The following CHODL variants were observed in gnomAD, a reference collection of about 807,000 sequenced individuals.
CHODL encodes the protein transmembrane protein MT75.
CHODL carries 29 observed loss-of-function variants against 34.5 expected under a neutral mutation model. That is an observed-to-expected ratio of 0.84 (90% confidence interval 0.63 to 1.15). The LOEUF (loss-of-function observed/expected upper bound fraction) is 1.15, where lower values mean the gene tolerates loss of function less well. Among genes scored for constraint, CHODL ranks in the 50% most tolerant of loss-of-function variants. The pLI is 0.00. For missense variants in CHODL, 332 were observed against 332.5 expected (o/e 1.00, Z 0.01); for synonymous variants, 125 against 116.1 (o/e 1.08, Z -0.49).
intron 2 of CHODL, among the ~76,000 whole-genome samples, chr21:18,147,330 G>A (rs2072904917): frequency 6.6e-6 from 1 of 152,192 alleles, no homozygotes; most frequent in African/African-American, 2.4e-5. Context: ...TACCACATTC[G>A]AAGTAGCACC....
chr21:18,170,884 TTTGAG>T (rs1434843621), intron 2 of CHODL, among the ~76,000 whole-genome samples: 1 of 152,076 alleles, frequency 6.6e-6, no homozygotes, highest in Admixed American at 6.5e-5. Context: ...TTCATTTGGA[TTTGAG>T]TTATTGTTTA....
intron 2 of CHODL, among the ~76,000 whole-genome samples, chr21:18,068,397 CT>C (rs897223640): frequency 6.6e-5 from 10 of 152,012 alleles, no homozygotes; most frequent in Non-Finnish European, 1.5e-4. Context: ...GGGTTTCACC[CT>C]GTTGGCCAGG....
At chr21:18,212,120 G>A (rs2073780665) in intron 2 of CHODL, among the ~76,000 whole-genome samples, 1 of 151,974 alleles carries the variant, frequency 6.6e-6, no homozygotes, top group African/African-American at 2.4e-5. Context: ...TTTTGCTATG[G>A]TTATAACTGT....
chr21:18,043,386 T>C (rs534579950), intron 2 of CHODL, among the ~76,000 whole-genome samples: 1 of 152,118 alleles, frequency 6.6e-6, no homozygotes, highest in East Asian at 1.9e-4. Flanking sequence ...AGAGGATATA[T>C]ATGCAGTATG....
intron 1 of CHODL, among the ~76,000 whole-genome samples, chr21:18,253,519 C>A (rs2074282212): frequency 6.6e-6 from 1 of 152,048 alleles, no homozygotes; most frequent in Admixed American, 6.6e-5. Context: ...AAAATGGAAA[C>A]CGCATGCTTC....
Position 18,124,986 on chromosome 21 carries a change from A to C in CHODL, c.-45+97015A>C, listed in dbSNP as rs888309611. Among the ~76,000 whole-genome samples, 13 of 152,226 alleles carry C rather than the reference A, an allele frequency of 8.5e-5. 1 individual carries two copies. The highest frequency in any genetic ancestry group is 1.6e-4 in the Non-Finnish European group (11 of 68,036). On this transcript the variant is annotated intron_variant, in intron 2 of 6. Transcript: ENST00000400127. ...GGAGTCTACCAATCTGTCTAAATCC[A>C]GGTCTAGGATCTCAAAAAAACTTCC...
At chr21:18,136,063 C>A (rs568832682) in intron 2 of CHODL, among the ~76,000 whole-genome samples, 5 of 144,002 alleles carry the variant, frequency 3.5e-5, no homozygotes, top group African/African-American at 1.3e-4. Context: ...GCTGAGCTTG[C>A]GCCACTGAAC....
intron 1 of CHODL, among the ~76,000 whole-genome samples, chr21:18,008,321 TG>T: frequency 6.6e-6 from 1 of 152,080 alleles, no homozygotes; most frequent in Non-Finnish European, 1.5e-5. Flanking sequence ...TTTGTGTGTG[TG>T]TGTGTGTGTG....
chr21:18,193,297 T>A (rs1419229798), intron 2 of CHODL, among the ~76,000 whole-genome samples: 1 of 152,168 alleles, frequency 6.6e-6, no homozygotes, highest in Non-Finnish European at 1.5e-5. Flanking sequence ...ATCCACAATG[T>A]TTTTTAAGGG....
chr21:18,253,069 A>G (rs903596488), intron 1 of CHODL, among the ~76,000 whole-genome samples: 3 of 152,140 alleles, frequency 2.0e-5, no homozygotes, highest in African/African-American at 7.2e-5. Context: ...AGAAATTTCC[A>G]CATGAAACCT....
intron 2 of CHODL, among the ~76,000 whole-genome samples, chr21:18,189,283 T>C (rs1208629069): frequency 6.6e-6 from 1 of 152,226 alleles, no homozygotes; most frequent in East Asian, 1.9e-4. Flanking sequence ...TCAATTTATA[T>C]TTTAGCTTCT....
At chr21:18,212,735 A>C (rs2073786725) in intron 2 of CHODL, among the ~76,000 whole-genome samples, 1 of 152,142 alleles carries the variant, frequency 6.6e-6, no homozygotes, top group Non-Finnish European at 1.5e-5. Context: ...ACTTGAATTG[A>C]GAATTTCTAA....
At chr21:18,039,243 T>A (rs2064346840) in intron 2 of CHODL, among the ~76,000 whole-genome samples, 1 of 151,796 alleles carries the variant, frequency 6.6e-6, no homozygotes, top group Non-Finnish European at 1.5e-5. Context: ...CTCTTAGATA[T>A]TCATTAAGTT....
At chr21:17,982,684 C>CTTATA (rs1568829222) in intron 1 of CHODL, among the ~76,000 whole-genome samples, 1 of 147,990 alleles carries the variant, frequency 6.8e-6, no homozygotes, top group African/African-American at 2.5e-5. Context: ...TAAAAATCCC[C>CTTATA]TTATATATAT....
chr21:18,043,670 C>G (rs577294437), intron 2 of CHODL, among the ~76,000 whole-genome samples: 6 of 151,886 alleles, frequency 4.0e-5, no homozygotes, highest in Non-Finnish European at 7.4e-5. Flanking sequence ...TATTAGTTAC[C>G]CACCTAGGCT....
At chr21:17,978,344 C>G (rs1013145415) in intron 1 of CHODL, among the ~76,000 whole-genome samples, 18 of 150,902 alleles carry the variant, frequency 1.2e-4, no homozygotes, top group African/African-American at 3.9e-4. Flanking sequence ...ATGGTGTGAA[C>G]CTGGCAGGCG....
At chr21:17,970,172 GA>G (rs368190106) in intron 1 of CHODL, among the ~76,000 whole-genome samples, 1,812 of 152,240 alleles carry the variant, frequency 0.012, 28 homozygotes, top group African/African-American at 0.04. Flanking sequence ...TGGACTTCCT[GA>G]AGAATATAGT....
chr21:18,123,040 A>C (rs2065498953), intron 2 of CHODL, among the ~76,000 whole-genome samples: 1 of 152,232 alleles, frequency 6.6e-6, no homozygotes, highest in African/African-American at 2.4e-5. Context: ...TTAACATCAA[A>C]ACGTCTGACT....
intron 2 of CHODL, among the ~76,000 whole-genome samples, chr21:18,117,218 C>T (rs537856853): frequency 4.9e-4 from 75 of 152,284 alleles, no homozygotes; most frequent in African/African-American, 1.5e-3. Flanking sequence ...TATTGATGGG[C>T]TATTAATCCC....
Sources: allele counts gnomAD v4.1 joint callset (sites outside exome capture counted in the v4.1 genomes callset), GRCh38; gene constraint gnomAD v4.1.1; transcripts MANE v1.5; gene names NCBI Gene and HGNC (gene_info 2026-07-23, HGNC 2026-07-21).